The following CLNK variants were observed in gnomAD, a reference collection of about 807,000 sequenced individuals.
CLNK encodes cytokine-dependent hematopoietic cell linker.
A neutral mutation model predicts 68.6 loss-of-function variants in CLNK; 74 were observed. That is an observed-to-expected ratio of 1.08 (90% CI 0.89 to 1.31). The LOEUF (loss-of-function observed/expected upper bound fraction) is 1.31. Ranked by LOEUF, CLNK falls within the 50% of genes most tolerant of loss-of-function variation. CLNK has a pLI of 0.00. For synonymous variants in CLNK, 198 were observed against 172.2 expected, an observed-to-expected ratio of 1.15 and a Z score of -1.17; for missense variants, 553 against 515.3, an observed-to-expected ratio of 1.07 and a Z score of -0.71.
chr4:10,587,313 G>A (rs1432006263), intron 3 of CLNK, among the ~76,000 whole-genome samples: 1 of 152,172 alleles, frequency 6.6e-6, no homozygotes, highest in African/African-American at 2.4e-5. Flanking sequence ...ACCATTGGAT[G>A]GGATCCCTTT....
intron 16 of CLNK, among the ~76,000 whole-genome samples, chr4:10,510,068 A>T (rs531240922): frequency 6.6e-6 from 1 of 152,278 alleles, no homozygotes; most frequent in African/African-American, 2.4e-5. Context: ...GTCATGGTGC[A>T]TTTCATCAAG....
the CLNK span, among the ~76,000 whole-genome samples, chr4:10,716,150 G>T: frequency 3.0e-4 from 46 of 152,190 alleles, no homozygotes; most frequent in Non-Finnish European, 8.8e-5. Context: ...TAATTCTCAA[G>T]AAGTTTCTTC....
At chr4:10,520,720 A>G (rs915490103) in intron 15 of CLNK, 71 bp downstream of exon 15, 72 of 1,182,670 alleles carry the variant, frequency 6.1e-5, no homozygotes, top group Middle Eastern at 1.9e-4. Flanking sequence ...CACAACAGCT[A>G]AGTCACAGTG....
rs6844667 is a variant in CLNK at position 10,664,703 on chromosome 4, G to A, written c.11+3156C>T. ...AGCTGAGATTCTGTGTTTCTAACAA[G>A]CTCCCTGGTGATGCTGACACTGCTG... On this transcript the variant is annotated intron_variant, in intron 2 of 18. Transcript: ENST00000226951. 2.4e-3 allele frequency among the ~76,000 whole-genome samples: 373 copies of A among 152,332 alleles called. 1 individual carries two copies. Among genetic ancestry groups the A allele is most frequent in the African/African-American group, 8.6e-3 (356 of 41,574 alleles).
chr4:10,621,346 T>C (rs1000047955), intron 2 of CLNK, among the ~76,000 whole-genome samples: 3 of 152,064 alleles, frequency 2.0e-5, no homozygotes, highest in African/African-American at 7.2e-5. Flanking sequence ...CCAAGCAGAG[T>C]TACCGGAAGA....
At chr4:10,669,008 C>T (rs547775472) in intron 1 of CLNK, among the ~76,000 whole-genome samples, 3 of 152,218 alleles carry the variant, frequency 2.0e-5, no homozygotes, top group South Asian at 2.1e-4. Context: ...ATTATGTGAC[C>T]GAGAACACCC....
chr4:10,657,781 T>A (rs983548662), intron 2 of CLNK, among the ~76,000 whole-genome samples: 1 of 152,226 alleles, frequency 6.6e-6, no homozygotes, highest in Non-Finnish European at 1.5e-5. Flanking sequence ...GATTCAGGCC[T>A]TTATTCTCCT....
chr4:10,597,324 A>G (rs1229427548), intron 3 of CLNK, among the ~76,000 whole-genome samples: 1 of 152,162 alleles, frequency 6.6e-6, no homozygotes, highest in African/African-American at 2.4e-5. Flanking sequence ...GATGTGGCCC[A>G]GGTTTAGTCG....
chr4:10,553,423 T>C (rs1577125358), intron 8 of CLNK, among the ~76,000 whole-genome samples: 1 of 152,044 alleles, frequency 6.6e-6, no homozygotes, highest in East Asian at 1.9e-4. Flanking sequence ...GGTTACTGCA[T>C]CCAGAGTTTC....
At chr4:10,534,944 G>A (rs1381851805) in intron 11 of CLNK, among the ~76,000 whole-genome samples, 2 of 152,002 alleles carry the variant, frequency 1.3e-5, no homozygotes, top group Non-Finnish European at 2.9e-5. Flanking sequence ...AAAAGACCAC[G>A]GTTTCTCGAT....
At chr4:10,656,774 C>T (rs1488096295) in intron 2 of CLNK, among the ~76,000 whole-genome samples, 3 of 152,134 alleles carry the variant, frequency 2.0e-5, no homozygotes, top group Admixed American at 6.5e-5. Context: ...CTTAACAGCA[C>T]TTGTATTAGC....
At chr4:10,545,485 G>C (rs774663338) in intron 8 of CLNK, among the ~76,000 whole-genome samples, 5 of 152,120 alleles carry the variant, frequency 3.3e-5, no homozygotes, top group African/African-American at 4.8e-5. Flanking sequence ...CACCCCTATA[G>C]CTTGGTTGTG....
chr4:10,557,931 C>G (rs1310078417), intron 8 of CLNK, among the ~76,000 whole-genome samples: 3 of 152,156 alleles, frequency 2.0e-5, no homozygotes, highest in Non-Finnish European at 4.4e-5. Context: ...GGCTTATCTT[C>G]CATTTATGCT....
intron 1 of CLNK, among the ~76,000 whole-genome samples, chr4:10,673,456 G>A (rs1724742686): frequency 6.6e-6 from 1 of 152,030 alleles, no homozygotes; most frequent in Non-Finnish European, 1.5e-5. Flanking sequence ...AATAAAATGT[G>A]GCACATATAC....
chr4:10,709,030 C>A, the CLNK span, among the ~76,000 whole-genome samples: 1 of 152,192 alleles, frequency 6.6e-6, no homozygotes, highest in Non-Finnish European at 1.5e-5. Context: ...TTAAAATACT[C>A]TACTTAAGCA....
intron 2 of CLNK, 99 bp from the exon 3 acceptor site, chr4:10,598,148 A>G: frequency 1.3e-6 from 1 of 753,328 alleles, no homozygotes; most frequent in Non-Finnish European, 2.2e-6. Flanking sequence ...ACCCAGTCAG[A>G]TTTAAGTAAT....
chr4:10,609,995 T>C (rs1721944045), intron 2 of CLNK, among the ~76,000 whole-genome samples: 1 of 149,808 alleles, frequency 6.7e-6, no homozygotes, highest in Non-Finnish European at 1.5e-5. Context: ...ACTCGTTTTC[T>C]AATTAAGCCT....
rs755866834 is a variant in CLNK, at chr4:10,488,937, A to G, written c.*1530T>C. On this transcript the variant is annotated 3_prime_UTR_variant, in exon 19 of 19. Coordinates refer to ENST00000226951, the MANE Select transcript of CLNK (RefSeq NM_052964.4). ...TTTGTAAGCTTTGGTAGCATTTGACATCATGATATACTGTTATTTTCGACA... is the reference window on the plus strand; with the variant it reads ...TTTGTAAGCTTTGGTAGCATTTGACGTCATGATATACTGTTATTTTCGACA... The G allele has an allele frequency of 1.3e-5, 2 of 152,212 alleles. No individual in the cohort carries two copies. The highest frequency in any genetic ancestry group is 1.3e-4 in the Admixed American group (2 of 15,278). 9.4% of individuals were successfully genotyped at this position (152,212 alleles called of 1,614,324 possible).
chr4:10,660,027 T>G (rs1724132467), intron 2 of CLNK, among the ~76,000 whole-genome samples: 1 of 152,232 alleles, frequency 6.6e-6, no homozygotes, highest in Admixed American at 6.5e-5. Context: ...ATGGCTAAAA[T>G]AGCAATCATA....
Sources: allele counts gnomAD v4.1 joint callset (sites outside exome capture counted in the v4.1 genomes callset), GRCh38; gene constraint gnomAD v4.1.1; transcripts MANE v1.5; gene names NCBI Gene and HGNC (gene_info 2026-07-23, HGNC 2026-07-21).